NAALADL2: variants seen among roughly 807,000 people sequenced by gnomAD.
NAALADL2 encodes N-acetylated alpha-linked acidic dipeptidase like 2.
Under a neutral mutation model 87.2 loss-of-function variants are expected in NAALADL2, and 76 were observed. The ratio of observed to expected loss-of-function variants is 0.87; its 90% CI spans 0.72 to 1.05. The LOEUF is 1.05. NAALADL2 is among the 50% of genes least tolerant of loss of function. The probability of loss-of-function intolerance (pLI) is 0.00; values close to 1 mark genes in which losing one functional copy is unlikely to be tolerated. For missense variants in NAALADL2, 1,089 were observed against 945.8 expected (o/e 1.15, Z -1.99); for synonymous variants, 354 against 331.0 (o/e 1.07, Z -0.75).
At chr3:175,673,759 A>G (rs1032960405) in intron 11 of NAALADL2, among the ~76,000 whole-genome samples, 2 of 152,082 alleles carry the variant, frequency 1.3e-5, no homozygotes, top group African/African-American at 4.8e-5. Flanking sequence ...TAAAAATTTC[A>G]ATCAACCCAA....
intron 2 of NAALADL2, among the ~76,000 whole-genome samples, chr3:175,137,066 C>T (rs1159368920): frequency 3.9e-5 from 6 of 152,036 alleles, no homozygotes; most frequent in Non-Finnish European, 7.4e-5. Flanking sequence ...TACAAGATGA[C>T]AAGTAGTACT....
chr3:174,749,025 A>G (rs1390232706), intron 3 of NAALADL2, among the ~76,000 whole-genome samples: 1 of 152,160 alleles, frequency 6.6e-6, no homozygotes, highest in African/African-American at 2.4e-5. Context: ...TAATAATAAT[A>G]AACAACCTTT....
chr3:174,724,148 A>G (rs1008933966), intron 2 of NAALADL2, among the ~76,000 whole-genome samples: 1 of 152,216 alleles, frequency 6.6e-6, no homozygotes, highest in African/African-American at 2.4e-5. Flanking sequence ...ATTACATAGT[A>G]AACTAAAATA....
At chr3:174,835,530 G>C (rs575304898) in intron 3 of NAALADL2, among the ~76,000 whole-genome samples, 4 of 152,032 alleles carry the variant, frequency 2.6e-5, no homozygotes, top group Non-Finnish European at 5.9e-5. Context: ...AAAGTTCTGT[G>C]TATCAAGGGA....
Position 175,805,299 on chromosome 3 carries a change from G to C in NAALADL2, c.*2096G>C, listed in dbSNP as rs1754603116. Reference sequence around the variant, plus strand: ...AGAAAACATGTTTCTTCTTCATTTTGTTTAAAGATTGCGTACCTAGGTAAG... The same window carrying C: ...AGAAAACATGTTTCTTCTTCATTTTCTTTAAAGATTGCGTACCTAGGTAAG... On this transcript the variant is annotated 3_prime_UTR_variant, in exon 14 of 14. Transcript: ENST00000454872. 5 of 151,766 alleles carry C rather than the reference G, an allele frequency of 3.3e-5. No homozygotes were observed. The highest frequency in any genetic ancestry group is 3.3e-4 in the Admixed American group (5 of 15,186). The allele number at this position is 151,766 out of a possible 1,614,324, so 9.4% of individuals were successfully genotyped here.
chr3:175,552,877 A>G (rs1714652064), intron 9 of NAALADL2, among the ~76,000 whole-genome samples: 1 of 152,100 alleles, frequency 6.6e-6, no homozygotes, highest in African/African-American at 2.4e-5. Flanking sequence ...GTTTAATATA[A>G]TCTCATTTAA....
At chr3:174,555,189 G>T (rs1712607662) in intron 2 of NAALADL2, among the ~76,000 whole-genome samples, 1 of 152,164 alleles carries the variant, frequency 6.6e-6, no homozygotes, top group Admixed American at 6.5e-5. Context: ...AAGTTTCATG[G>T]CTGATACCTC....
chr3:175,667,204 A>AAAG (rs1733188729), intron 11 of NAALADL2, among the ~76,000 whole-genome samples: 1 of 117,502 alleles, frequency 8.5e-6, no homozygotes, highest in Non-Finnish European at 1.6e-5. Context: ...AGAAAGAAAG[A>AAAG]AAGAAAGAAA....
intron 3 of NAALADL2, among the ~76,000 whole-genome samples, chr3:174,755,352 G>C (rs1406192073): frequency 6.6e-6 from 1 of 152,224 alleles, no homozygotes; most frequent in East Asian, 1.9e-4. Flanking sequence ...GTGAGAACGG[G>C]CTAGTACAAT....
At chr3:175,133,561 A>G (rs1403595548) in intron 2 of NAALADL2, among the ~76,000 whole-genome samples, 1 of 152,172 alleles carries the variant, frequency 6.6e-6, no homozygotes, top group East Asian at 1.9e-4. Flanking sequence ...CTCCACCAAA[A>G]AAATACGAAA....
At chr3:175,052,109 G>A (rs1755473190) in intron 1 of NAALADL2, among the ~76,000 whole-genome samples, 1 of 152,214 alleles carries the variant, frequency 6.6e-6, no homozygotes, top group South Asian at 2.1e-4. Context: ...AGATTAACTA[G>A]AAGTATTCCT....
intron 3 of NAALADL2, among the ~76,000 whole-genome samples, chr3:174,843,859 AT>A (rs538981127): frequency 3.9e-4 from 59 of 152,200 alleles, no homozygotes; most frequent in African/African-American, 1.3e-3. Context: ...TCTTTTGCTG[AT>A]TTAAAAAAAA....
At chr3:174,544,176 T>C (rs1465140235) in intron 1 of NAALADL2, among the ~76,000 whole-genome samples, 1 of 152,212 alleles carries the variant, frequency 6.6e-6, no homozygotes, top group Non-Finnish European at 1.5e-5. Flanking sequence ...TCTATGCTTA[T>C]AAAGTTATTT....
At chr3:175,475,970 G>A (rs1276127995) in intron 9 of NAALADL2, among the ~76,000 whole-genome samples, 3 of 152,076 alleles carry the variant, frequency 2.0e-5, no homozygotes, top group African/African-American at 7.2e-5. Flanking sequence ...TGATCTTCCT[G>A]CCTTGGCTTC....
intron 2 of NAALADL2, among the ~76,000 whole-genome samples, chr3:174,702,883 T>C (rs1729690351): frequency 6.6e-6 from 1 of 152,230 alleles, no homozygotes; most frequent in Admixed American, 6.5e-5. Flanking sequence ...GATTGATTTA[T>C]GTGGATGCTT....
intron 9 of NAALADL2, among the ~76,000 whole-genome samples, chr3:175,484,292 T>C (rs1726933230): frequency 6.6e-6 from 1 of 152,148 alleles, no homozygotes; most frequent in African/African-American, 2.4e-5. Context: ...TATTTTCAAA[T>C]CACTGAAAAT....
At chr3:174,645,518 C>T (rs1723687985) in intron 2 of NAALADL2, among the ~76,000 whole-genome samples, 1 of 152,114 alleles carries the variant, frequency 6.6e-6, no homozygotes, top group Non-Finnish European at 1.5e-5. Flanking sequence ...AACTTCAGGG[C>T]TTATGCCCAT....
At chr3:175,328,603 CT>C (rs1305876018) in intron 5 of NAALADL2, among the ~76,000 whole-genome samples, 1 of 152,082 alleles carries the variant, frequency 6.6e-6, no homozygotes, top group Admixed American at 6.5e-5. Flanking sequence ...CCATATATTT[CT>C]GGAATTCTAA....
chr3:174,757,419 C>T (rs1712249835), intron 3 of NAALADL2, among the ~76,000 whole-genome samples: 1 of 152,058 alleles, frequency 6.6e-6, no homozygotes, highest in Non-Finnish European at 1.5e-5. Context: ...CTAAGTATGA[C>T]TTAGAAGCAT....
Sources: allele counts gnomAD v4.1 joint callset (sites outside exome capture counted in the v4.1 genomes callset), GRCh38; gene constraint gnomAD v4.1.1; transcripts MANE v1.5; gene names NCBI Gene and HGNC (gene_info 2026-07-23, HGNC 2026-07-21).